ANO1: variants seen among roughly 807,000 people sequenced by gnomAD.
ANO1 encodes the protein anoctamin-1.
A neutral mutation model predicts 124.0 loss-of-function variants in ANO1; 59 were observed. The ratio of observed to expected loss-of-function variants is 0.48; its 90% CI spans 0.39 to 0.59. The LOEUF is 0.59. ANO1 is among the 20% of genes least tolerant of loss of function. The pLI is 0.00. For synonymous variants in ANO1, 529 were observed against 532.0 expected, an observed-to-expected ratio of 0.99 and a Z score of 0.08; for missense variants, 1,059 against 1,328.0, an observed-to-expected ratio of 0.80 and a Z score of 3.15.
intron 19 of ANO1, 35 bp from the exon 20 acceptor site, chr11:70,165,435 C>T (rs548161389): frequency 3.2e-6 from 5 of 1,557,702 alleles, no homozygotes; most frequent in East Asian, 2.3e-5. Context: ...TCTCGGTGTC[C>T]CTGTAGCGTG....
At chr11:70,161,099 G>A in intron 16 of ANO1, 62 bp from the exon 17 acceptor site, 1 of 1,469,812 alleles carries the variant, frequency 6.8e-7, no homozygotes, top group Non-Finnish European at 9.2e-7. Flanking sequence ...GGAGCAGATG[G>A]GGCAGGCCCA....
chr11:70,009,395 G>C (rs1469882597), intron 1 of ANO1, among the ~76,000 whole-genome samples: 4 of 152,198 alleles, frequency 2.6e-5, no homozygotes. Flanking sequence ...GTCCCTGGTG[G>C]CATCACCTGG....
rs180943782 is a variant in ANO1, at chr11:70,159,876, C to A, written c.1579-1285C>A. Among the ~76,000 whole-genome samples the A allele has an allele frequency of 7.8e-4, 119 of 152,372 alleles. 1 individual carries two copies. The highest frequency in any genetic ancestry group is 1.0e-3 in the Non-Finnish European group (71 of 68,038). On this transcript the variant is annotated intron_variant, in intron 16 of 25. Transcript: ENST00000355303. ...GCCAGGGAGTGGTCCCCACGCCTCG[C>A]AGCAGGGCTTCTCCTTAGTCAGGGT...
chr11:70,079,359 C>T (rs1411546533), intron 1 of ANO1, among the ~76,000 whole-genome samples: 1 of 152,068 alleles, frequency 6.6e-6, no homozygotes, highest in African/African-American at 2.4e-5. Context: ...CCCTGTCTCC[C>T]CTGGGCGCCC....
At chr11:69,977,680 A>G in the ANO1 span, among the ~76,000 whole-genome samples, 1 of 152,152 alleles carries the variant, frequency 6.6e-6, no homozygotes, top group Non-Finnish European at 1.5e-5. Context: ...GGGGACACGG[A>G]CTTACCCTCT....
chr11:70,111,682 C>T, intron 6 of ANO1, 25 bp from the exon 7 acceptor site: 2 of 1,613,690 alleles, frequency 1.2e-6, no homozygotes, highest in Non-Finnish European at 1.7e-6. Context: ...TGCCCCATAA[C>T]CTTCTCTCTG....
chr11:70,164,959 G>GT lies in ANO1; in HGVS notation c.1951-508dup, dbSNP rs146754559. Reference sequence around the variant, plus strand: ...AGCAGCCTGTAGGCGGAGTGTGTCCGTTTCCTGGGGCTGCCGCAACTCGAT... The same window carrying GT: ...AGCAGCCTGTAGGCGGAGTGTGTCCGTTTTCCTGGGGCTGCCGCAACTCGAT... On this transcript the variant is annotated intron_variant, in intron 19 of 25. Transcript: ENST00000355303. 7.3e-3 allele frequency among the ~76,000 whole-genome samples: 1,111 copies of GT among 152,262 alleles called. 19 individuals carry two copies. The highest frequency in any genetic ancestry group is 0.026 in the African/African-American group (1,067 of 41,532).
intron 24 of ANO1, among the ~76,000 whole-genome samples, chr11:70,183,008 C>T (rs2048987276): frequency 6.6e-6 from 1 of 152,088 alleles, no homozygotes; most frequent in South Asian, 2.1e-4. Flanking sequence ...ACTCGGGAGG[C>T]TGAGGTGGGA....
chr11:70,038,782 T>C (rs1168750700), intron 1 of ANO1, among the ~76,000 whole-genome samples: 1 of 152,112 alleles, frequency 6.6e-6, no homozygotes, highest in African/African-American at 2.4e-5. Flanking sequence ...TGAGCCAAGG[T>C]AGGAAAAACC....
chr11:69,973,640 G>A, the ANO1 span, among the ~76,000 whole-genome samples: 1 of 152,044 alleles, frequency 6.6e-6, no homozygotes, highest in Non-Finnish European at 1.5e-5. Context: ...TTGGGAGGCC[G>A]AAGCGGGTGG....
At chr11:70,154,178 G>A (rs1227866137) in intron 14 of ANO1, among the ~76,000 whole-genome samples, 1 of 152,212 alleles carries the variant, frequency 6.6e-6, no homozygotes, top group Non-Finnish European at 1.5e-5. Flanking sequence ...TTGGAGGGAT[G>A]AGGGCAGTCG....
chr11:70,187,883 C>T lies in ANO1; in HGVS notation c.2840C>T (p.Thr947Ile). 1.9e-6 allele frequency: 3 copies of T among 1,604,262 alleles called. No homozygotes were observed. The highest frequency in any genetic ancestry group is 2.6e-6 in the Non-Finnish European group (3 of 1,175,888). The change falls in exon 26 of 26, where the codon ACC becomes ATC. Residue 947 changes from threonine (T) to isoleucine (I), a missense_variant. Thr to Ile is a moderately conservative substitution (Grantham distance 89). Coordinates refer to ENST00000355303, the MANE Select transcript of ANO1 (RefSeq NM_018043.7). Reference protein sequence around the residue: ...EEQDKQQLLETWMEKERQKDE... With the variant: ...EEQDKQQLLEIWMEKERQKDE... ...CAAGACAAGCAGCAGCTGCTGGAAA[C>T]CTGGATGGAGAAGGAGCGGCAGAAG...
intron 24 of ANO1, among the ~76,000 whole-genome samples, chr11:70,184,222 T>C (rs2049026483): frequency 6.6e-6 from 1 of 152,212 alleles, no homozygotes; most frequent in African/African-American, 2.4e-5. Flanking sequence ...ATGTTCCAGC[T>C]GATGTGTGGC....
At chr11:69,990,873 C>T (rs1331414799) in intron 1 of ANO1, among the ~76,000 whole-genome samples, 1 of 152,158 alleles carries the variant, frequency 6.6e-6, no homozygotes, top group Non-Finnish European at 1.5e-5. Context: ...AAACTTTTAT[C>T]AGCTGAATGA....
At chr11:70,095,312 GAAA>G (rs771343678) in intron 2 of ANO1, among the ~76,000 whole-genome samples, 9,705 of 133,638 alleles carry the variant, frequency 0.073, 1,512 homozygotes, top group Non-Finnish European at 0.09. Context: ...AAGAAAGAAA[GAAA>G]GAAAGGAAAG....
chr11:69,998,302 T>G (rs1856313294), intron 1 of ANO1, among the ~76,000 whole-genome samples: 1 of 152,244 alleles, frequency 6.6e-6, no homozygotes, highest in African/African-American at 2.4e-5. Context: ...GAACGTGGCC[T>G]CTTGCCCCTT....
chr11:70,039,712 G>C (rs559723826), intron 1 of ANO1, among the ~76,000 whole-genome samples: 1 of 152,166 alleles, frequency 6.6e-6, no homozygotes, highest in African/African-American at 2.4e-5. Flanking sequence ...GGAAGAGGGC[G>C]TCCAGAAGTC....
intron 1 of ANO1, among the ~76,000 whole-genome samples, chr11:70,034,888 G>A (rs1857067411): frequency 6.6e-6 from 1 of 152,000 alleles, no homozygotes; most frequent in Admixed American, 6.6e-5. Flanking sequence ...GCCCAGCAGG[G>A]ACTCTGCTTA....
intron 11 of ANO1, among the ~76,000 whole-genome samples, chr11:70,138,073 G>T (rs1035338918): frequency 6.8e-6 from 1 of 146,368 alleles, no homozygotes; most frequent in Non-Finnish European, 1.5e-5. Context: ...GGCTGGGCGC[G>T]GTGGTTCACG....
Sources: allele counts gnomAD v4.1 joint callset (sites outside exome capture counted in the v4.1 genomes callset), GRCh38; gene constraint gnomAD v4.1.1; transcripts MANE v1.5; gene names NCBI Gene and HGNC (gene_info 2026-07-23, HGNC 2026-07-21).